The following TRIM44 variants were observed in gnomAD, a reference collection of about 807,000 sequenced individuals.
The protein encoded by TRIM44 is tripartite motif containing 44, also known as tripartite motif-containing protein 44.
In TRIM44, 13 loss-of-function variants were observed where a neutral mutation model predicts 37.4. The ratio of observed to expected loss-of-function variants is 0.35; its 90% CI spans 0.23 to 0.55. TRIM44 has a LOEUF of 0.55. TRIM44 is among the 20% of genes least tolerant of loss of function. The probability of loss-of-function intolerance (pLI) is 0.89; values close to 1 mark genes in which losing one functional copy is unlikely to be tolerated. For missense variants in TRIM44, 426 were observed against 437.2 expected, an observed-to-expected ratio of 0.97 and a Z score of 0.23; for synonymous variants, 175 against 157.2, an observed-to-expected ratio of 1.11 and a Z score of -0.85.
chr11:35,775,636 T>C (rs984763886), intron 4 of TRIM44, among the ~76,000 whole-genome samples: 2 of 152,234 alleles, frequency 1.3e-5, no homozygotes, highest in Non-Finnish European at 2.9e-5. Context: ...CATTTTGAGA[T>C]ACATCCCATC....
intron 2 of TRIM44, among the ~76,000 whole-genome samples, chr11:35,697,624 C>T (rs546791095): frequency 1.3e-5 from 2 of 151,506 alleles, no homozygotes; most frequent in South Asian, 2.1e-4. Flanking sequence ...CCACAACAGT[C>T]CCCAGAGTGT....
chr11:35,708,818 T>C (rs963089022), intron 2 of TRIM44, among the ~76,000 whole-genome samples: 4 of 151,786 alleles, frequency 2.6e-5, no homozygotes, highest in African/African-American at 9.7e-5. Context: ...GCTAAATGAC[T>C]AGTTAATGGG....
rs1239635875 is a variant in TRIM44, at chr11:35,817,615, C to T, written c.*11230C>T. 1 of 152,182 alleles carries T rather than the reference C, an allele frequency of 6.6e-6. No individual in the cohort carries two copies. Among genetic ancestry groups the T allele is most frequent in the African/African-American group, 2.4e-5 (1 of 41,420 alleles). The allele number at this position is 152,182 out of a possible 1,614,324, so 9.4% of individuals were successfully genotyped here. A position where few individuals can be genotyped will look rare whatever the true frequency, so the allele number is the denominator to read the frequency against. On this transcript the variant is annotated 3_prime_UTR_variant, in exon 5 of 5. Transcript: ENST00000299413. Reference sequence around the variant, plus strand: ...GAAAGCTGAATCCATATGTAGACTTCATGGAGACTAGTACTGCTCCAAATG... The same window carrying T: ...GAAAGCTGAATCCATATGTAGACTTTATGGAGACTAGTACTGCTCCAAATG...
At chr11:35,687,423 AC>A (rs1851595250) in intron 2 of TRIM44, among the ~76,000 whole-genome samples, 1 of 152,128 alleles carries the variant, frequency 6.6e-6, no homozygotes, top group Non-Finnish European at 1.5e-5. Flanking sequence ...AAGTAGGAGG[AC>A]CCCTGATAAA....
chr11:35,752,040 C>G (rs1852564922), intron 4 of TRIM44, among the ~76,000 whole-genome samples: 1 of 152,188 alleles, frequency 6.6e-6, no homozygotes, highest in Non-Finnish European at 1.5e-5. Flanking sequence ...TTGTTCAAAA[C>G]ATAACTCTTG....
intron 3 of TRIM44, among the ~76,000 whole-genome samples, chr11:35,735,080 G>T (rs1344641845): frequency 6.6e-6 from 1 of 152,178 alleles, no homozygotes; most frequent in Non-Finnish European, 1.5e-5. Context: ...GCTAGCTTTT[G>T]TCTAAGACGT....
In TRIM44 at chr11:35,758,016, C is replaced by T. The variant is rs573973091; in HGVS notation, c.1007+22571C>T. On this transcript the variant is annotated intron_variant, in intron 4 of 4. Coordinates refer to ENST00000299413, the MANE Select transcript of TRIM44 (RefSeq NM_017583.6). ...GAGTTCTGTAGATGTCTATTAGGTC[C>T]GCTTGGTGCAGAGCTGAGTTCAATT... Among the ~76,000 whole-genome samples, 198 of 152,130 alleles carry T rather than the reference C, an allele frequency of 1.3e-3. 1 individual carries two copies. Among genetic ancestry groups the T allele is most frequent in the African/African-American group, 3.9e-3 (162 of 41,490 alleles).
Position 35,663,030 on chromosome 11 carries a change from G to C in TRIM44, c.-82G>C. 1 of 1,437,804 alleles carries C rather than the reference G, an allele frequency of 7.0e-7. No homozygotes were observed. Among genetic ancestry groups the C allele is most frequent in the Non-Finnish European group, 9.1e-7 (1 of 1,101,608 alleles). The allele number at this position is 1,437,804 out of a possible 1,614,324, so 89.1% of individuals were successfully genotyped here. A position where few individuals can be genotyped will look rare whatever the true frequency, so the allele number is the denominator to read the frequency against. ...GCGACTCCCTAGGAAGGGACCCGGGGCGGGAGGAGGAAGTGAGGCCGCGCG... is the reference window on the plus strand; with the variant it reads ...GCGACTCCCTAGGAAGGGACCCGGGCCGGGAGGAGGAAGTGAGGCCGCGCG... On this transcript the variant is annotated 5_prime_UTR_variant, in exon 1 of 5. Transcript: ENST00000299413.
At chr11:35,664,958 T>A (rs771938684) in intron 1 of TRIM44, among the ~76,000 whole-genome samples, 6 of 152,244 alleles carry the variant, frequency 3.9e-5, no homozygotes, top group Non-Finnish European at 7.3e-5. Flanking sequence ...TTATTTGAAC[T>A]TGACACTATG....
At chr11:35,782,713 G>A (rs1303889967) in intron 4 of TRIM44, among the ~76,000 whole-genome samples, 1 of 152,122 alleles carries the variant, frequency 6.6e-6, no homozygotes, top group African/African-American at 2.4e-5. Context: ...CACCAAACCA[G>A]AAGACTTATC....
At chr11:35,664,822 C>T (rs189315592) in intron 1 of TRIM44, among the ~76,000 whole-genome samples, 10 of 152,306 alleles carry the variant, frequency 6.6e-5, no homozygotes, top group African/African-American at 2.4e-4. Context: ...AATATTGAAG[C>T]CTTTTCCCCA....
At chr11:35,736,854 T>C (rs1852331613) in intron 4 of TRIM44, among the ~76,000 whole-genome samples, 1 of 152,214 alleles carries the variant, frequency 6.6e-6, no homozygotes, top group African/African-American at 2.4e-5. Context: ...TTCCTCACTC[T>C]TCACTCCCTT....
rs578228772 is a variant in TRIM44, at chr11:35,776,368, C to G, written c.1008-29990C>G. Among the ~76,000 whole-genome samples the G allele has an allele frequency of 9.2e-5, 14 of 152,218 alleles. No individual in the cohort carries two copies. The East Asian group carries it at 2.7e-3, about 29-fold the overall frequency. Reference sequence around the variant, plus strand: ...TCTGTTTTCTTCTGTATTAGTCTTTCTAGCGGTCTATCAATTTTGTTGATG... The same window carrying G: ...TCTGTTTTCTTCTGTATTAGTCTTTGTAGCGGTCTATCAATTTTGTTGATG... On this transcript the variant is annotated intron_variant, in intron 4 of 4. Coordinates refer to ENST00000299413, the MANE Select transcript of TRIM44 (RefSeq NM_017583.6).
chr11:35,768,514 T>C (rs1852826075), intron 4 of TRIM44, among the ~76,000 whole-genome samples: 1 of 152,214 alleles, frequency 6.6e-6, no homozygotes, highest in Non-Finnish European at 1.5e-5. Flanking sequence ...CAGTAATTTC[T>C]AATCATGGCC....
intron 2 of TRIM44, among the ~76,000 whole-genome samples, chr11:35,698,041 A>G (rs1448538168): frequency 6.6e-6 from 1 of 151,204 alleles, no homozygotes; most frequent in African/African-American, 2.4e-5. Context: ...TGACTTCCAC[A>G]GTGGTTGAAC....
At chr11:35,775,265 CTGTT>C (rs1317775829) in intron 4 of TRIM44, among the ~76,000 whole-genome samples, 6 of 152,104 alleles carry the variant, frequency 3.9e-5, no homozygotes, top group East Asian at 1.9e-4. Context: ...ATTTGGCTCT[CTGTT>C]TGTCTGTTAT....
chr11:35,673,981 A>G (rs1851431166), intron 1 of TRIM44, among the ~76,000 whole-genome samples: 1 of 151,972 alleles, frequency 6.6e-6, no homozygotes, highest in Non-Finnish European at 1.5e-5. Flanking sequence ...GTTCAGTCTG[A>G]GAGGACCAGC....
At chr11:35,806,062 T>C (rs565929794) in intron 4 of TRIM44, among the ~76,000 whole-genome samples, 1 of 152,324 alleles carries the variant, frequency 6.6e-6, no homozygotes, top group African/African-American at 2.4e-5. Context: ...ACCTGCTCCT[T>C]TAAATAGCTG....
chr11:35,664,728 G>A (rs1174729419), intron 1 of TRIM44, among the ~76,000 whole-genome samples: 10 of 152,158 alleles, frequency 6.6e-5, no homozygotes, highest in African/African-American at 2.4e-4. Context: ...CAGAAAGTGT[G>A]TAAAAACTTA....
Sources: allele counts gnomAD v4.1 joint callset (sites outside exome capture counted in the v4.1 genomes callset), GRCh38; gene constraint gnomAD v4.1.1; transcripts MANE v1.5; gene names NCBI Gene and HGNC (gene_info 2026-07-23, HGNC 2026-07-21).